PSIP1: variants seen among roughly 807,000 people sequenced by gnomAD.
PSIP1 encodes the protein PC4 and SRSF1 interacting protein 1.
PSIP1 carries 19 observed loss-of-function variants against 74.7 expected under a neutral mutation model. The observed-to-expected ratio is 0.25, with a 90% CI of 0.18 to 0.37. The LOEUF is 0.37. PSIP1 is among the 10% of genes least tolerant of loss of function. PSIP1 has a pLI of 1.00. For synonymous variants in PSIP1, 222 were observed against 195.3 expected (o/e 1.14, Z -1.14); for missense variants, 601 against 614.3 (o/e 0.98, Z 0.23).
At chr9:15,467,334 C>T (rs573153167) in intron 14 of PSIP1, among the ~76,000 whole-genome samples, 30 of 152,176 alleles carry the variant, frequency 2.0e-4, no homozygotes, top group African/African-American at 7.0e-4. Context: ...TCCTGTAAGT[C>T]GTATTAATAA....
intron 6 of PSIP1, among the ~76,000 whole-genome samples, chr9:15,482,138 C>T (rs2036364102): frequency 6.6e-6 from 1 of 152,194 alleles, no homozygotes; most frequent in African/African-American, 2.4e-5. Flanking sequence ...TTCACACACA[C>T]ACAAAAACCT....
chr9:15,503,620 G>A (rs75219073), intron 3 of PSIP1, among the ~76,000 whole-genome samples: 6,251 of 151,178 alleles, frequency 0.041, 148 homozygotes, highest in South Asian at 0.069. Flanking sequence ...TATGATCGCC[G>A]CTGTGTTCCA....
rs999590523 is a variant in PSIP1, at chr9:15,473,938, CAAAG to C, written c.858+67_858+70del. Reference sequence around the variant, plus strand: ...AACAAAAAAAAAAACAAAAAAAAAACAAAGAAAAAACAAAAAATATATATATAAA... The same window carrying C: ...AACAAAAAAAAAAACAAAAAAAAAACAAAAAACAAAAAATATATATATAAA... On this transcript the variant is annotated intron_variant, in intron 9 of 15. Coordinates refer to ENST00000380733, the MANE Select transcript of PSIP1 (RefSeq NM_033222.5). 2.3e-4 allele frequency: 141 copies of C among 621,764 alleles called. 1 individual carries two copies. Among genetic ancestry groups the C allele is most frequent in the Middle Eastern group, 1.1e-3 (2 of 1,774 alleles). 38.5% of individuals were successfully genotyped at this position (621,764 alleles called of 1,614,324 possible).
intron 3 of PSIP1, among the ~76,000 whole-genome samples, chr9:15,501,655 T>C (rs1488617061): frequency 1.3e-5 from 2 of 151,958 alleles, no homozygotes; most frequent in Non-Finnish European, 2.9e-5. Context: ...TGGTTTTGAT[T>C]CACTGCTAAT....
intron 3 of PSIP1, among the ~76,000 whole-genome samples, chr9:15,495,114 AT>A (rs1183472217): frequency 6.6e-6 from 1 of 152,172 alleles, no homozygotes; most frequent in African/African-American, 2.4e-5. Context: ...AAGCACCCTC[AT>A]TTACAATTTA....
intron 5 of PSIP1, 36 bp from the exon 6 acceptor site, chr9:15,486,104 A>G: frequency 6.7e-7 from 1 of 1,490,314 alleles, no homozygotes; most frequent in Non-Finnish European, 9.2e-7. Context: ...TACTGAATAA[A>G]TTATTCCAGG....
intron 4 of PSIP1, among the ~76,000 whole-genome samples, chr9:15,488,505 C>T (rs999629904): frequency 1.3e-5 from 2 of 152,172 alleles, no homozygotes; most frequent in Non-Finnish European, 1.5e-5. Context: ...CCTCTCATAG[C>T]CCTCTGATCC....
Position 15,465,464 on chromosome 9 carries a change from C to G in PSIP1, c.*56G>C. The G allele has an allele frequency of 1.4e-6, 2 of 1,420,318 alleles. No individual in the cohort carries two copies. Among genetic ancestry groups the G allele is most frequent in the East Asian group, 2.3e-5 (1 of 42,908 alleles). 88.0% of individuals were successfully genotyped at this position (1,420,318 alleles called of 1,614,324 possible). A position where few individuals can be genotyped will look rare whatever the true frequency, so the allele number is the denominator to read the frequency against. On this transcript the variant is annotated 3_prime_UTR_variant, in exon 16 of 16. Transcript: ENST00000380733. ...ATTTAAAACTTTCAGCAGTCTATTT[C>G]AAATGAAAACCATTACAAACTTCTC...
intron 6 of PSIP1, among the ~76,000 whole-genome samples, chr9:15,482,573 T>G (rs1344322688): frequency 6.6e-6 from 1 of 152,130 alleles, no homozygotes; most frequent in African/African-American, 2.4e-5. Context: ...GAAACATCCA[T>G]CTCCTCCTTG....
chr9:15,483,615 T>G (rs9298729), intron 6 of PSIP1, among the ~76,000 whole-genome samples: 10,848 of 152,254 alleles, frequency 0.071, 524 homozygotes, highest in African/African-American at 0.14. Context: ...CTTGTCTTCT[T>G]TACTGACTAC....
chr9:15,467,507 CTT>C (rs932355342), intron 14 of PSIP1, among the ~76,000 whole-genome samples: 2 of 152,174 alleles, frequency 1.3e-5, no homozygotes, highest in Non-Finnish European at 2.9e-5. Context: ...TTTTAAGAGT[CTT>C]TCATACATTC....
chr9:15,478,791 A>G (rs1239821238), intron 7 of PSIP1, among the ~76,000 whole-genome samples: 1 of 152,108 alleles, frequency 6.6e-6, no homozygotes, highest in African/African-American at 2.4e-5. Flanking sequence ...TATGACTGAG[A>G]GGGCTTAAAA....
chr9:15,499,574 TAAAAG>T (rs755451806), intron 3 of PSIP1, among the ~76,000 whole-genome samples: 9 of 152,058 alleles, frequency 5.9e-5, no homozygotes, highest in Non-Finnish European at 7.4e-5. Context: ...CTAGAACTCT[TAAAAG>T]AAACAAGTCA....
At chr9:15,503,439 T>C (rs2037437249) in intron 3 of PSIP1, among the ~76,000 whole-genome samples, 2 of 152,050 alleles carry the variant, frequency 1.3e-5, no homozygotes, top group Non-Finnish European at 2.9e-5. Context: ...GGAGGATCAC[T>C]TGAAACCAGG....
At chr9:15,496,282 G>A (rs370586386) in intron 3 of PSIP1, among the ~76,000 whole-genome samples, 3 of 152,180 alleles carry the variant, frequency 2.0e-5, no homozygotes, top group African/African-American at 7.2e-5. Flanking sequence ...GTGCCTACAG[G>A]AACTATGTAA....
At chr9:15,506,478 G>C in intron 3 of PSIP1, 83 bp downstream of exon 3, 1 of 970,332 alleles carries the variant, frequency 1.0e-6, no homozygotes, top group South Asian at 1.6e-5. Context: ...ATTACGTTAC[G>C]ATTTCCCCCT....
chr9:15,504,313 T>C (rs1196729741), intron 3 of PSIP1, among the ~76,000 whole-genome samples: 8 of 151,734 alleles, frequency 5.3e-5, no homozygotes, highest in Admixed American at 3.9e-4. Flanking sequence ...AGTTTAGTTA[T>C]TTAGTTTAGT....
chr9:15,510,442 C>A (rs987312540), intron 1 of PSIP1, 113 bp from the exon 2 acceptor site: 4 of 401,968 alleles, frequency 1.0e-5, no homozygotes, highest in African/African-American at 2.1e-5. Context: ...ACGGCCGCCT[C>A]CCGCTCCTCC....
intron 3 of PSIP1, among the ~76,000 whole-genome samples, chr9:15,490,929 T>C (rs1015018574): frequency 6.6e-6 from 1 of 152,192 alleles, no homozygotes; most frequent in African/African-American, 2.4e-5. Context: ...CATTCATATA[T>C]GTACTATCAA....
Sources: gnomAD v4.1 joint callset for allele counts (sites outside exome capture counted in the v4.1 genomes callset) on GRCh38, gnomAD v4.1.1 for gene constraint, MANE v1.5 for transcripts, NCBI Gene and HGNC (gene_info 2026-07-23, HGNC 2026-07-21) for gene names.